KCNH1: variants seen among roughly 807,000 people sequenced by gnomAD.
KCNH1 encodes potassium voltage-gated channel subfamily H member 1.
KCNH1 carries 27 observed loss-of-function variants against 69.2 expected under a neutral mutation model. That is an observed-to-expected ratio of 0.39 (90% CI 0.29 to 0.54). The LOEUF (loss-of-function observed/expected upper bound fraction) is 0.54. KCNH1 is among the 20% of genes least tolerant of loss of function. The pLI is 0.68. For missense variants in KCNH1, 798 were observed against 1,261.6 expected (o/e 0.63, Z 5.57); for synonymous variants, 456 against 487.7 (o/e 0.93, Z 0.86).
rs374844541 is a variant in KCNH1, at chr1:210,683,833, G to A, written c.2418C>T (p.Ser806=). The A allele has an allele frequency of 1.2e-5, 19 of 1,613,980 alleles. No individual in the cohort carries two copies. In the East Asian group the frequency reaches 1.6e-4, roughly 13 times the overall value. Reference sequence around the variant, plus strand: ...GTAGCTTTGCGTGGTCTGGCACCCCGGAGGTGGAGGCTGCCTGGAAGGATA... The same window carrying A: ...GTAGCTTTGCGTGGTCTGGCACCCCAGAGGTGGAGGCTGCCTGGAAGGATA... ...TPVSFQAAST[S]GVPDHAKLQA... Residue 806 remains serine (S), a synonymous_variant, in exon 11 of 11, where the codon TCC becomes TCT. Coordinates refer to ENST00000271751, the MANE Select transcript of KCNH1 (RefSeq NM_172362.3). The surrounding 1 kb of genome is among the most constrained non-coding windows in gnomAD (Gnocchi z 5.7).
At chr1:210,807,554 T>G (rs1212962106) in intron 7 of KCNH1, among the ~76,000 whole-genome samples, 1 of 152,122 alleles carries the variant, frequency 6.6e-6, no homozygotes, top group Non-Finnish European at 1.5e-5. Context: ...GCATGTTGCG[T>G]GAGCCAAGAT....
At chr1:210,965,851 T>C (rs771001047) in intron 6 of KCNH1, among the ~76,000 whole-genome samples, 7 of 151,930 alleles carry the variant, frequency 4.6e-5, no homozygotes, top group African/African-American at 9.7e-5. Flanking sequence ...CAAGCTACCA[T>C]TGACTTTCTT....
At chr1:210,974,535 A>G (rs1409095868) in intron 6 of KCNH1, among the ~76,000 whole-genome samples, 3 of 149,056 alleles carry the variant, frequency 2.0e-5, no homozygotes, top group Non-Finnish European at 4.4e-5. Flanking sequence ...AGTCTCAAAG[A>G]TAGAATTTTT....
chr1:210,982,222 TTA>T (rs1558552476), intron 6 of KCNH1, among the ~76,000 whole-genome samples: 1 of 29,908 alleles, frequency 3.3e-5, no homozygotes, highest in African/African-American at 2.7e-4. Flanking sequence ...GAGAATACTT[TTA>T]TTATTATTAT....
intron 6 of KCNH1, among the ~76,000 whole-genome samples, chr1:210,954,844 T>A (rs1178843719): frequency 6.6e-6 from 1 of 152,264 alleles, no homozygotes; most frequent in Non-Finnish European, 1.5e-5. Flanking sequence ...TCTCCCATTC[T>A]GTAGGTTGCC....
intron 5 of KCNH1, among the ~76,000 whole-genome samples, 198 bp downstream of exon 5, chr1:211,082,582 A>C (rs1447983581): frequency 6.6e-6 from 1 of 152,222 alleles, no homozygotes; most frequent in Non-Finnish European, 1.5e-5. Context: ...CTGCTTTTGC[A>C]CATGGGAAAG....
chr1:210,714,373 G>GAAAC (rs774063476), intron 10 of KCNH1, among the ~76,000 whole-genome samples: 16 of 152,214 alleles, frequency 1.1e-4, no homozygotes, highest in Non-Finnish European at 1.6e-4. Context: ...AGGTGCTCAT[G>GAAAC]AAACATTTTC....
intron 10 of KCNH1, among the ~76,000 whole-genome samples, chr1:210,706,362 C>A (rs1351476290): frequency 6.6e-6 from 1 of 152,160 alleles, no homozygotes; most frequent in Admixed American, 6.5e-5. Flanking sequence ...ATGCAAATAA[C>A]CTTTAATATT....
At chr1:211,078,484 A>G (rs1033451234) in intron 5 of KCNH1, among the ~76,000 whole-genome samples, 1 of 152,204 alleles carries the variant, frequency 6.6e-6, no homozygotes, top group Admixed American at 6.5e-5. Flanking sequence ...CCGCTCAACT[A>G]CATGGAAACT....
chr1:211,119,231 G>T (rs969251913), intron 1 of KCNH1, among the ~76,000 whole-genome samples: 3 of 152,052 alleles, frequency 2.0e-5, no homozygotes, highest in Admixed American at 2.0e-4. Context: ...ATGGTGGCGG[G>T]CATCTGTAGT....
intron 6 of KCNH1, among the ~76,000 whole-genome samples, chr1:211,012,646 A>C (rs7524268): frequency 0.22 from 33,344 of 152,080 alleles, 4,135 homozygotes; most frequent in East Asian, 0.46. Context: ...CGTGGAGCAC[A>C]GGGGATGTTT....
intron 10 of KCNH1, among the ~76,000 whole-genome samples, chr1:210,725,279 C>T (rs1193417803): frequency 6.6e-6 from 1 of 152,182 alleles, no homozygotes; most frequent in Non-Finnish European, 1.5e-5. Context: ...CTAGATGTGA[C>T]ACATTAGGCT....
chr1:211,066,915 C>A (rs1283710600), intron 5 of KCNH1, among the ~76,000 whole-genome samples: 1 of 152,124 alleles, frequency 6.6e-6, no homozygotes, highest in Non-Finnish European at 1.5e-5. Flanking sequence ...GAATACCCAC[C>A]CCCCAGGACA....
At chr1:211,033,207 A>G (rs1306311913) in intron 5 of KCNH1, among the ~76,000 whole-genome samples, 2 of 152,250 alleles carry the variant, frequency 1.3e-5, no homozygotes, top group Admixed American at 1.3e-4. Context: ...CAAAACCACA[A>G]TGAGATACCA....
intron 6 of KCNH1, among the ~76,000 whole-genome samples, chr1:210,985,271 T>A (rs1198598454): frequency 6.6e-6 from 1 of 152,222 alleles, no homozygotes; most frequent in Non-Finnish European, 1.5e-5. Flanking sequence ...GTTTTTTGTG[T>A]CTCTATCTCC....
At chr1:210,892,868 A>G (rs1321451665) in intron 7 of KCNH1, among the ~76,000 whole-genome samples, 2 of 152,198 alleles carry the variant, frequency 1.3e-5, no homozygotes, top group African/African-American at 4.8e-5. Flanking sequence ...TGTGCCAGTT[A>G]TCAGTATATA....
At chr1:211,110,918 T>C (rs1351912389) in intron 1 of KCNH1, among the ~76,000 whole-genome samples, 1 of 152,040 alleles carries the variant, frequency 6.6e-6, no homozygotes, top group African/African-American at 2.4e-5. Context: ...GCAGAAACTA[T>C]AAGAAGAAAG....
At chr1:210,963,742 A>T (rs1490640864) in intron 6 of KCNH1, among the ~76,000 whole-genome samples, 1 of 152,156 alleles carries the variant, frequency 6.6e-6, no homozygotes, top group Non-Finnish European at 1.5e-5. Context: ...AGATTAGAGA[A>T]AAAAGAATGA....
chr1:210,888,284 T>G (rs1686663637), intron 7 of KCNH1, among the ~76,000 whole-genome samples: 1 of 152,042 alleles, frequency 6.6e-6, no homozygotes, highest in Admixed American at 6.6e-5. Context: ...ATATGGAAAC[T>G]GAACAACCTG....
Sources: allele counts gnomAD v4.1 joint callset (sites outside exome capture counted in the v4.1 genomes callset), GRCh38; gene constraint gnomAD v4.1.1; non-coding constraint Gnocchi (gnomAD v3.1); transcripts MANE v1.5; gene names NCBI Gene and HGNC (gene_info 2026-07-23, HGNC 2026-07-21).